PACSIN2: variants seen among roughly 807,000 people sequenced by gnomAD.
The protein encoded by PACSIN2 is protein kinase C and casein kinase substrate in neurons protein 2.
In PACSIN2, 25 loss-of-function variants were observed where a neutral mutation model predicts 63.8. The observed-to-expected ratio is 0.39, with a 90% CI of 0.29 to 0.55. PACSIN2 has a LOEUF of 0.55. Among genes scored for constraint, PACSIN2 ranks in the 20% least tolerant of loss-of-function variants. The pLI, the probability that PACSIN2 is intolerant of heterozygous loss-of-function variation, is 0.62. For synonymous variants in PACSIN2, 255 were observed against 256.2 expected (o/e 1.00, Z 0.05); for missense variants, 518 against 646.9 (o/e 0.80, Z 2.16).
chr22:42,875,945 CTA>C (rs1252479786), intron 10 of PACSIN2, among the ~76,000 whole-genome samples, 190 bp downstream of exon 10: 1 of 152,186 alleles, frequency 6.6e-6, no homozygotes, highest in East Asian at 1.9e-4. Flanking sequence ...AGCTCTGGGA[CTA>C]TAGGCATGAG....
chr22:42,928,274 G>A (rs1932663131), intron 1 of PACSIN2, among the ~76,000 whole-genome samples: 1 of 152,226 alleles, frequency 6.6e-6, no homozygotes, highest in African/African-American at 2.4e-5. Flanking sequence ...GTGATTCACT[G>A]TCTCTTCACG....
At chr22:42,976,003 G>A (rs536154208) in intron 1 of PACSIN2, among the ~76,000 whole-genome samples, 143 of 152,366 alleles carry the variant, frequency 9.4e-4, no homozygotes, top group African/African-American at 3.3e-3. Flanking sequence ...TTCCAGGCCA[G>A]TCTGGAAGGT....
chr22:42,894,653 C>G (rs975668747), intron 2 of PACSIN2, among the ~76,000 whole-genome samples: 15 of 152,292 alleles, frequency 9.8e-5, no homozygotes, highest in African/African-American at 3.4e-4. Flanking sequence ...AAAACTAGTT[C>G]ATCAAAGTTA....
At chr22:42,923,840 C>T (rs1932360205) in intron 1 of PACSIN2, among the ~76,000 whole-genome samples, 1 of 152,062 alleles carries the variant, frequency 6.6e-6, no homozygotes, top group Non-Finnish European at 1.5e-5. Context: ...AATTCAAGAC[C>T]AGCCTAGGCA....
intron 1 of PACSIN2, among the ~76,000 whole-genome samples, chr22:42,929,586 G>C (rs1932739808): frequency 6.6e-6 from 1 of 152,188 alleles, no homozygotes; most frequent in Non-Finnish European, 1.5e-5. Flanking sequence ...ATCCTGTCTG[G>C]TTTCTTTCCA....
intron 2 of PACSIN2, 127 bp from the exon 3 acceptor site, chr22:42,893,740 C>T: frequency 4.6e-6 from 4 of 861,754 alleles, no homozygotes; most frequent in Non-Finnish European, 7.4e-6. Context: ...CACCCCTCTC[C>T]AAGAGTTTGA....
At chr22:42,951,946 G>A (rs1933712592) in intron 1 of PACSIN2, among the ~76,000 whole-genome samples, 1 of 152,088 alleles carries the variant, frequency 6.6e-6, no homozygotes, top group South Asian at 2.1e-4. Flanking sequence ...CCTCCCCTCT[G>A]CCGGGAATAC....
At chr22:42,972,295 T>C (rs1470592718) in intron 1 of PACSIN2, among the ~76,000 whole-genome samples, 1 of 152,184 alleles carries the variant, frequency 6.6e-6, no homozygotes, top group Non-Finnish European at 1.5e-5. Context: ...GTTAAACAGA[T>C]GCTTGAAGGC....
At chr22:42,959,047 C>T (rs1253771377) in intron 1 of PACSIN2, among the ~76,000 whole-genome samples, 2 of 152,092 alleles carry the variant, frequency 1.3e-5, no homozygotes, top group Non-Finnish European at 2.9e-5. Context: ...AAAATATAAA[C>T]AGTGTCTAGT....
At chr22:43,012,713 C>A (rs111762910) in intron 1 of PACSIN2, among the ~76,000 whole-genome samples, 4,615 of 151,750 alleles carry the variant, frequency 0.03, 246 homozygotes, top group African/African-American at 0.11. Context: ...AGTGCAACGG[C>A]CGGATCTTGG....
chr22:43,010,615 CAGG>C (rs1291366914), intron 1 of PACSIN2, among the ~76,000 whole-genome samples: 1 of 151,956 alleles, frequency 6.6e-6, no homozygotes, highest in African/African-American at 2.4e-5. Context: ...GAGGCTGAGG[CAGG>C]AGAATGGCAT....
chr22:42,934,401 TC>T lies in PACSIN2; in HGVS notation c.-77-22245del, dbSNP rs550228365. Among the ~76,000 whole-genome samples the T allele has an allele frequency of 1.0e-3, 158 of 152,122 alleles. 1 individual carries two copies. The highest frequency in any genetic ancestry group is 2.1e-3 in the Admixed American group (32 of 15,288). On this transcript the variant is annotated intron_variant, in intron 1 of 10. Transcript: ENST00000263246. Reference sequence around the variant, plus strand: ...TTTTCCCTTCTTGGCTTCTGTGTACTCCCCCTCCTTTGGGCCCTGCCTCAGC... The same window carrying T: ...TTTTCCCTTCTTGGCTTCTGTGTACTCCCCTCCTTTGGGCCCTGCCTCAGC...
chr22:42,919,772 C>CAAAAAAAAAAAAAAAA (rs761464603), intron 1 of PACSIN2, among the ~76,000 whole-genome samples: 1 of 48,792 alleles, frequency 2.0e-5, no homozygotes, highest in African/African-American at 6.3e-5. Flanking sequence ...GAACCTGTCT[C>CAAAAAAAAAAAAAAAA]AAAAAAAAAA....
chr22:43,012,980 C>T (rs1174777193), intron 1 of PACSIN2, among the ~76,000 whole-genome samples: 1 of 151,888 alleles, frequency 6.6e-6, no homozygotes, highest in Admixed American at 6.6e-5. Context: ...TTAGTAGAGA[C>T]GGGGTTTCAC....
intron 1 of PACSIN2, among the ~76,000 whole-genome samples, chr22:42,969,041 A>ATG (rs1921043185): frequency 1.4e-5 from 1 of 72,470 alleles, no homozygotes; most frequent in East Asian, 1.3e-3. Context: ...TTATCTATCT[A>ATG]TCTCCATCCA....
chr22:42,924,759 CTTT>C (rs112807995), intron 1 of PACSIN2, among the ~76,000 whole-genome samples: 1 of 142,470 alleles, frequency 7.0e-6, no homozygotes, highest in Non-Finnish European at 1.5e-5. Context: ...GGTTTTTTTT[CTTT>C]TTTTTTTTTT....
intron 10 of PACSIN2, among the ~76,000 whole-genome samples, chr22:42,874,426 G>A (rs1005402354): frequency 6.6e-6 from 1 of 152,088 alleles, no homozygotes; most frequent in Non-Finnish European, 1.5e-5. Context: ...CAGGATCCAG[G>A]CTGTTTTATA....
intron 1 of PACSIN2, among the ~76,000 whole-genome samples, chr22:42,929,688 G>A (rs995712669): frequency 6.6e-6 from 1 of 152,190 alleles, no homozygotes; most frequent in African/African-American, 2.4e-5. Context: ...CCAGAATGAT[G>A]GTCTACTTCA....
intron 5 of PACSIN2, among the ~76,000 whole-genome samples, chr22:42,888,236 A>G (rs2146662903): frequency 6.6e-6 from 1 of 152,148 alleles, no homozygotes; most frequent in East Asian, 1.9e-4. Flanking sequence ...ATAACCCTCC[A>G]TACCAGCTCA....
Sources: gnomAD v4.1 joint callset for allele counts (sites outside exome capture counted in the v4.1 genomes callset) on GRCh38, gnomAD v4.1.1 for gene constraint, MANE v1.5 for transcripts, NCBI Gene and HGNC (gene_info 2026-07-23, HGNC 2026-07-21) for gene names.